The following LTBP1 variants were observed in gnomAD, a reference collection of about 807,000 sequenced individuals.
LTBP1 encodes the protein latent-transforming growth factor beta-binding protein 1.
Under a neutral mutation model 207.6 loss-of-function variants are expected in LTBP1, and 129 were observed. The ratio of observed to expected loss-of-function variants is 0.62; its 90% CI spans 0.54 to 0.72. The LOEUF (loss-of-function observed/expected upper bound fraction) is 0.72. Ranked by LOEUF, LTBP1 falls within the 30% of genes least tolerant of loss-of-function variation. The pLI is 0.00. For synonymous variants in LTBP1, 963 were observed against 833.7 expected, an observed-to-expected ratio of 1.16 and a Z score of -2.67; for missense variants, 2,281 against 2,217.2, an observed-to-expected ratio of 1.03 and a Z score of -0.58.
chr2:32,989,585 C>T (rs1436246015), intron 2 of LTBP1, among the ~76,000 whole-genome samples: 5 of 152,138 alleles, frequency 3.3e-5, no homozygotes, highest in Non-Finnish European at 1.5e-5. Context: ...CAAGGAAAAG[C>T]CCAGGGACAG....
At chr2:33,183,115 A>G (rs2086844724) in intron 5 of LTBP1, among the ~76,000 whole-genome samples, 1 of 152,164 alleles carries the variant, frequency 6.6e-6, no homozygotes, top group Non-Finnish European at 1.5e-5. Flanking sequence ...AGTTTGTACA[A>G]AACGTTGGAA....
intron 2 of LTBP1, among the ~76,000 whole-genome samples, chr2:32,963,926 A>G (rs546593579): frequency 2.2e-4 from 33 of 152,382 alleles, no homozygotes; most frequent in African/African-American, 7.2e-4. Flanking sequence ...ATGATGAGAA[A>G]GAGATTGCAA....
rs1035898592 is a variant in LTBP1 at position 32,997,346 on chromosome 2, C to CA, written c.566-23557dup. On this transcript the variant is annotated intron_variant, in intron 2 of 33. Transcript: ENST00000404816. ...GCAACAAAACAAGATCCTGTCTCTACAAAAAATAAAAAAATTTGCAAGGCA... is the reference window on the plus strand; with the variant it reads ...GCAACAAAACAAGATCCTGTCTCTACAAAAAAATAAAAAAATTTGCAAGGCA... 6.3e-4 allele frequency among the ~76,000 whole-genome samples: 96 copies of CA among 152,090 alleles called. 1 individual carries two copies. Among genetic ancestry groups the CA allele is most frequent in the African/African-American group, 2.3e-3 (96 of 41,530 alleles).
At chr2:33,101,630 A>C (rs2079746404) in intron 3 of LTBP1, among the ~76,000 whole-genome samples, 1 of 152,224 alleles carries the variant, frequency 6.6e-6, no homozygotes, top group African/African-American at 2.4e-5. Flanking sequence ...TTTCCCCAAT[A>C]GGCTAGGAGC....
At position 33,192,432 on chromosome 2, in the gene LTBP1, C is replaced by T. The variant is rs142563908; in HGVS notation, c.1701+3581C>T. Among the ~76,000 whole-genome samples the T allele has an allele frequency of 1.3e-4, 19 of 151,548 alleles. 1 individual carries two copies. In the East Asian group the frequency reaches 3.7e-3, roughly 29 times the overall value. ...CTTAACCCCAAGTTTACAGGGAATA[C>T]CAAGGGTAAAGAAACAAGTTAAAAA... On this transcript the variant is annotated intron_variant, in intron 7 of 33. Transcript: ENST00000404816.
At chr2:33,202,245 A>C (rs981829810) in intron 7 of LTBP1, among the ~76,000 whole-genome samples, 1 of 152,200 alleles carries the variant, frequency 6.6e-6, no homozygotes, top group Non-Finnish European at 1.5e-5. Context: ...ACTTTGAATA[A>C]AGAAAAATAT....
intron 24 of LTBP1, among the ~76,000 whole-genome samples, chr2:33,337,310 T>A (rs1344581086): frequency 6.6e-6 from 1 of 152,210 alleles, no homozygotes; most frequent in Non-Finnish European, 1.5e-5. Context: ...ATCTGCCAAG[T>A]AGATCAATAA....
chr2:33,261,369 TAGAA>T (rs1340266633), intron 13 of LTBP1, among the ~76,000 whole-genome samples: 1 of 152,108 alleles, frequency 6.6e-6, no homozygotes, highest in Non-Finnish European at 1.5e-5. Flanking sequence ...TAGTAAGTAA[TAGAA>T]AGCTAGTTTT....
intron 31 of LTBP1, among the ~76,000 whole-genome samples, chr2:33,370,169 C>A (rs1449257302): frequency 1.3e-5 from 2 of 151,530 alleles, no homozygotes; most frequent in African/African-American, 4.9e-5. Flanking sequence ...GGTAAGTTTT[C>A]AGAAGATACT....
chr2:33,140,045 T>C (rs1459579588), intron 5 of LTBP1, among the ~76,000 whole-genome samples: 2 of 152,214 alleles, frequency 1.3e-5, no homozygotes, highest in Non-Finnish European at 2.9e-5. Context: ...TTTAAGAGGC[T>C]AAATAAGTTT....
chr2:33,127,800 A>C (rs1358397417), intron 4 of LTBP1, among the ~76,000 whole-genome samples: 1 of 152,164 alleles, frequency 6.6e-6, no homozygotes, highest in African/African-American at 2.4e-5. Context: ...TAGTTGAGTC[A>C]AAAGGGTGGA....
chr2:33,344,624 G>C (rs1167065681), intron 25 of LTBP1, among the ~76,000 whole-genome samples: 1 of 152,170 alleles, frequency 6.6e-6, no homozygotes, highest in African/African-American at 2.4e-5. Flanking sequence ...CTCAAGCTGA[G>C]CTGTGACCTC....
At chr2:33,243,099 A>G (rs1231193965) in intron 9 of LTBP1, among the ~76,000 whole-genome samples, 1 of 152,030 alleles carries the variant, frequency 6.6e-6, no homozygotes, top group African/African-American at 2.4e-5. Flanking sequence ...TCGCCCATCC[A>G]TCCAGCTCCT....
At chr2:32,975,595 T>G (rs1169616216) in intron 2 of LTBP1, among the ~76,000 whole-genome samples, 18 of 109,728 alleles carry the variant, frequency 1.6e-4, no homozygotes, top group African/African-American at 5.3e-4. Context: ...TTTTTTTTTT[T>G]TTTTTTTTTT....
intron 24 of LTBP1, among the ~76,000 whole-genome samples, chr2:33,326,994 C>CA (rs554566179): frequency 2.7e-4 from 41 of 152,060 alleles, no homozygotes; most frequent in African/African-American, 9.4e-4. Context: ...CTTGGCTGTT[C>CA]AAAAAAATCA....
chr2:33,381,942 T>G (rs1034848572), intron 31 of LTBP1, among the ~76,000 whole-genome samples: 1 of 152,180 alleles, frequency 6.6e-6, no homozygotes, highest in African/African-American at 2.4e-5. Flanking sequence ...CATAGAGTTC[T>G]GAGTTTTAAA....
intron 23 of LTBP1, among the ~76,000 whole-genome samples, chr2:33,312,530 A>G (rs2094202905): frequency 6.6e-6 from 1 of 152,100 alleles, no homozygotes; most frequent in Non-Finnish European, 1.5e-5. Flanking sequence ...TCGCGGACCC[A>G]TGAAAGAAAC....
intron 2 of LTBP1, among the ~76,000 whole-genome samples, chr2:33,013,835 C>G (rs1052552676): frequency 6.6e-6 from 1 of 152,094 alleles, no homozygotes; most frequent in Non-Finnish European, 1.5e-5. Flanking sequence ...GAACACAGCT[C>G]TTGGGGAGCT....
At position 33,383,377 on chromosome 2, in the gene LTBP1, C is replaced by T. The variant is rs534023159; in HGVS notation, c.4712-5807C>T. Among the ~76,000 whole-genome samples the T allele has an allele frequency of 1.1e-4, 16 of 152,304 alleles. No homozygotes were observed. In the South Asian group the frequency reaches 3.3e-3, roughly 32 times the overall value. On this transcript the variant is annotated intron_variant, in intron 31 of 33. Coordinates refer to ENST00000404816, the MANE Select transcript of LTBP1 (RefSeq NM_206943.4). Reference sequence around the variant, plus strand: ...CAGGGGAATAAAAAAGTGTCTATTACAATGCTGGCTTATCAGTCACTGGAG... The same window carrying T: ...CAGGGGAATAAAAAAGTGTCTATTATAATGCTGGCTTATCAGTCACTGGAG...
Sources: gnomAD v4.1 joint callset for allele counts (sites outside exome capture counted in the v4.1 genomes callset) on GRCh38, gnomAD v4.1.1 for gene constraint, MANE v1.5 for transcripts, NCBI Gene and HGNC (gene_info 2026-07-23, HGNC 2026-07-21) for gene names.